ITGA8: variants seen among roughly 807,000 people sequenced by gnomAD.
The protein encoded by ITGA8 is integrin alpha-8.
A neutral mutation model predicts 142.3 loss-of-function variants in ITGA8; 91 were observed. That is an observed-to-expected ratio of 0.64 (90% CI 0.54 to 0.76). ITGA8 has a LOEUF of 0.76. Among genes scored for constraint, ITGA8 ranks in the 30% least tolerant of loss-of-function variants. ITGA8 has a pLI of 0.00. For synonymous variants in ITGA8, 505 were observed against 485.2 expected (o/e 1.04, Z -0.54); for missense variants, 1,406 against 1,327.7 (o/e 1.06, Z -0.92).
intron 2 of ITGA8, among the ~76,000 whole-genome samples, chr10:15,710,883 T>C (rs572438802): frequency 6.6e-6 from 1 of 152,276 alleles, no homozygotes; most frequent in African/African-American, 2.4e-5. Flanking sequence ...GTGTGTGCCC[T>C]TCTCTCTCGT....
chr10:15,517,749 A>G (rs906637474), intron 29 of ITGA8, among the ~76,000 whole-genome samples: 3 of 152,258 alleles, frequency 2.0e-5, no homozygotes, highest in African/African-American at 7.2e-5. Flanking sequence ...CAAGGTGAGC[A>G]GGAGGGCAGA....
chr10:15,635,003 C>CTTTTTT (rs915334219), intron 13 of ITGA8, among the ~76,000 whole-genome samples: 27 of 107,220 alleles, frequency 2.5e-4, no homozygotes, highest in African/African-American at 4.2e-4. Context: ...TTCTTTCTTT[C>CTTTTTT]TTTTTTTTTT....
At chr10:15,534,890 C>A (rs1262204607) in intron 27 of ITGA8, among the ~76,000 whole-genome samples, 3 of 152,194 alleles carry the variant, frequency 2.0e-5, no homozygotes, top group Non-Finnish European at 4.4e-5. Flanking sequence ...CCCTTCAGCC[C>A]GCGGCTGCAC....
At position 15,556,023 on chromosome 10, in the gene ITGA8, T is replaced by G. The variant is rs1287603652; in HGVS notation, c.2766+2051A>C. Reference sequence around the variant, plus strand: ...CTGCCAGGGTCTCTCTCTCTCTTTTTTTTTTTTTTTTTTTTTTTTTTGAGA... The same window carrying G: ...CTGCCAGGGTCTCTCTCTCTCTTTTGTTTTTTTTTTTTTTTTTTTTTGAGA... On this transcript the variant is annotated intron_variant, in intron 26 of 29. Coordinates refer to ENST00000378076, the MANE Select transcript of ITGA8 (RefSeq NM_003638.3). Among the ~76,000 whole-genome samples, 11 of 78,112 alleles carry G rather than the reference T, an allele frequency of 1.4e-4. No individual in the cohort carries two copies. In the South Asian group the frequency reaches 5.2e-3, roughly 37 times the overall value. 51.2% of individuals were successfully genotyped at this position (78,112 alleles called of 152,430 possible).
At chr10:15,674,591 A>C (rs1311101280) in intron 6 of ITGA8, among the ~76,000 whole-genome samples, 1 of 152,202 alleles carries the variant, frequency 6.6e-6, no homozygotes, top group Non-Finnish European at 1.5e-5. Flanking sequence ...TGATGTTTAT[A>C]ATTGTATATG....
intron 15 of ITGA8, among the ~76,000 whole-genome samples, 186 bp from the exon 16 acceptor site, chr10:15,608,476 C>T (rs9333268): frequency 2.0e-5 from 3 of 152,028 alleles, no homozygotes; most frequent in Non-Finnish European, 4.4e-5. Flanking sequence ...ACAATCAAGA[C>T]AAGTGACATT....
At chr10:15,698,399 T>C (rs991281344) in intron 2 of ITGA8, among the ~76,000 whole-genome samples, 3 of 152,218 alleles carry the variant, frequency 2.0e-5, no homozygotes, top group African/African-American at 4.8e-5. Flanking sequence ...TTTCATATAA[T>C]GACTTCTTTT....
At chr10:15,658,762 T>G (rs1834232630) in intron 10 of ITGA8, among the ~76,000 whole-genome samples, 1 of 152,200 alleles carries the variant, frequency 6.6e-6, no homozygotes, top group Non-Finnish European at 1.5e-5. Flanking sequence ...TGGACATTTA[T>G]TTGCTTGTTA....
intron 2 of ITGA8, among the ~76,000 whole-genome samples, chr10:15,704,015 A>T (rs1835213209): frequency 6.6e-6 from 1 of 152,200 alleles, no homozygotes; most frequent in African/African-American, 2.4e-5. Flanking sequence ...TGTCTTGCTC[A>T]CTATTTTTAC....
rs141558996 is a variant in ITGA8 at position 15,583,060 on chromosome 10, G to C, written c.2372+3524C>G. Among the ~76,000 whole-genome samples the C allele has an allele frequency of 1.8e-4, 28 of 152,266 alleles. No individual in the cohort carries two copies. The East Asian group carries it at 5.4e-3, about 29-fold the overall frequency. On this transcript the variant is annotated intron_variant, in intron 23 of 29. Transcript: ENST00000378076. ...TCACTGGACATCCATCCATACAATG[G>C]AATACTTCTCAGCAGTAAAAAGAAA...
intron 13 of ITGA8, among the ~76,000 whole-genome samples, chr10:15,625,987 C>G (rs1833574814): frequency 6.6e-6 from 1 of 152,148 alleles, no homozygotes; most frequent in Non-Finnish European, 1.5e-5. Flanking sequence ...TAGCCATGTT[C>G]AAAATGGTGG....
intron 27 of ITGA8, among the ~76,000 whole-genome samples, chr10:15,542,120 C>T (rs538521114): frequency 3.3e-4 from 50 of 152,014 alleles, no homozygotes; most frequent in Non-Finnish European, 3.5e-4. Flanking sequence ...TCTTACTTTA[C>T]GAGGGGATAT....
Position 15,667,814 on chromosome 10 carries a change from T to C in ITGA8, c.847+3789A>G, listed in dbSNP as rs1160785404. On this transcript the variant is annotated intron_variant, in intron 8 of 29. Coordinates refer to ENST00000378076, the MANE Select transcript of ITGA8 (RefSeq NM_003638.3). ...TCAGGAGCAGGTTGTTCAGTTTCCATGTAGTTGAGCAGTTTTGAGTGAGTT... is the reference window on the plus strand; with the variant it reads ...TCAGGAGCAGGTTGTTCAGTTTCCACGTAGTTGAGCAGTTTTGAGTGAGTT... 2.6e-5 allele frequency among the ~76,000 whole-genome samples: 4 copies of C among 152,248 alleles called. No individual in the cohort carries two copies. In the East Asian group the frequency reaches 7.7e-4, roughly 29 times the overall value.
chr10:15,652,610 C>T (rs1198631275), intron 11 of ITGA8, among the ~76,000 whole-genome samples: 1 of 152,140 alleles, frequency 6.6e-6, no homozygotes, highest in Non-Finnish European at 1.5e-5. Context: ...TTACAGTCCA[C>T]CTAAGTTGGA....
intron 12 of ITGA8, among the ~76,000 whole-genome samples, chr10:15,645,478 A>G (rs978807232): frequency 5.3e-5 from 8 of 152,228 alleles, no homozygotes; most frequent in African/African-American, 1.9e-4. Flanking sequence ...GCAGCTTTAC[A>G]GAGTAGCAAG....
At chr10:15,528,300 C>T (rs1833217659) in intron 28 of ITGA8, among the ~76,000 whole-genome samples, 4 of 152,114 alleles carry the variant, frequency 2.6e-5, no homozygotes, top group Admixed American at 2.6e-4. Flanking sequence ...AAAAAAATGT[C>T]TGCCAGCTCC....
chr10:15,619,632 A>G (rs1452424651), intron 13 of ITGA8, among the ~76,000 whole-genome samples: 2 of 152,230 alleles, frequency 1.3e-5, no homozygotes, highest in African/African-American at 4.8e-5. Context: ...GATAAATTCT[A>G]TCAGAATTTC....
chr10:15,672,621 T>C lies in ITGA8; in HGVS notation c.802+3A>G. On this transcript the variant is annotated splice_donor_region_variant and intron_variant, in intron 7 of 29. Transcript: ENST00000378076. The stretch of plus-strand genomic sequence containing the variant: ...CACAAATGTCTTGGGCAATGGGTCT[T>C]ACCAAGGTAACTGTCATCATAGGAA... 6.2e-7 allele frequency: 1 copy of C among 1,612,088 alleles called. No individual in the cohort carries two copies. The highest frequency in any genetic ancestry group is 8.5e-7 in the Non-Finnish European group (1 of 1,179,204).
intron 2 of ITGA8, among the ~76,000 whole-genome samples, chr10:15,714,568 T>C (rs1178781658): frequency 6.6e-6 from 1 of 152,194 alleles, no homozygotes; most frequent in African/African-American, 2.4e-5. Flanking sequence ...CACCAGCATA[T>C]GCTTCTAGTA....
Sources: allele counts gnomAD v4.1 joint callset (sites outside exome capture counted in the v4.1 genomes callset), GRCh38; gene constraint gnomAD v4.1.1; transcripts MANE v1.5; gene names NCBI Gene and HGNC (gene_info 2026-07-23, HGNC 2026-07-21).